NLRP14: variants seen among roughly 807,000 people sequenced by gnomAD.
The protein encoded by NLRP14 is NACHT, LRR and PYD domains-containing protein 14.
NLRP14 carries 105 observed loss-of-function variants against 94.7 expected under a neutral mutation model. That is an observed-to-expected ratio of 1.11 (90% confidence interval 0.95 to 1.30). The LOEUF (loss-of-function observed/expected upper bound fraction) is 1.30, where lower values mean the gene tolerates loss of function less well. NLRP14 is among the 50% of genes most tolerant of loss of function. NLRP14 has a pLI of 0.00. For missense variants in NLRP14, 1,362 were observed against 1,254.1 expected (o/e 1.09, Z -1.30); for synonymous variants, 508 against 459.9 (o/e 1.10, Z -1.34).
At chr11:7,021,864 A>G (rs747192265) in intron 1 of NLRP14, among the ~76,000 whole-genome samples, 34 of 151,730 alleles carry the variant, frequency 2.2e-4, no homozygotes, top group Non-Finnish European at 3.8e-4. Flanking sequence ...ATTGACCGGT[A>G]AGAACGAACA....
chr11:7,049,897 A>C, intron 6 of NLRP14, 59 bp downstream of exon 6: 1 of 1,399,700 alleles, frequency 7.1e-7, no homozygotes, highest in Non-Finnish European at 1.0e-6. Context: ...TTGTCTATCC[A>C]AGTAGACTCT....
intron 4 of NLRP14, 47 bp from the exon 5 acceptor site, chr11:7,046,621 G>A (rs755340212): frequency 6.4e-7 from 1 of 1,566,270 alleles, no homozygotes. Context: ...TGGCTAGGCT[G>A]AAATAAAATC....
the NLRP14 span, among the ~76,000 whole-genome samples, chr11:7,077,646 C>T: frequency 6.6e-6 from 1 of 152,230 alleles, no homozygotes; most frequent in Non-Finnish European, 1.5e-5. Flanking sequence ...CTGGGGAAGC[C>T]TCACAATCAT....
rs1444194672 is a variant in NLRP14, at chr11:7,043,665, A to G, written c.1639A>G (p.Thr547Ala). The change falls in exon 4 of 12, where the codon ACT (threonine) becomes GCT (alanine). Residue 547 changes from threonine (T) to alanine (A), a missense_variant. Physicochemically the swap from Thr to Ala is moderately conservative, Grantham distance 58. Coordinates refer to ENST00000299481, the MANE Select transcript of NLRP14 (RefSeq NM_176822.4). ...AGATCGAGTAAAACAACTGGAGAGGACTTTTAACTGTAAAATGTCACTGAA... is the reference window on the plus strand; with the variant it reads ...AGATCGAGTAAAACAACTGGAGAGGGCTTTTAACTGTAAAATGTCACTGAA... ...NEDRVKQLER[T>A]FNCKMSLKIK... 1 of 1,614,032 alleles carries G rather than the reference A, an allele frequency of 6.2e-7. No individual in the cohort carries two copies. Among genetic ancestry groups the G allele is most frequent in the African/African-American group, 1.3e-5 (1 of 75,052 alleles).
the NLRP14 span, chr11:7,089,359 A>G: frequency 6.2e-7 from 1 of 1,606,262 alleles, no homozygotes; most frequent in Admixed American, 1.7e-5. Flanking sequence ...AAGGCCATCA[A>G]GGTGGCCCAG....
intron 6 of NLRP14, among the ~76,000 whole-genome samples, chr11:7,056,056 G>A (rs1231777322): frequency 6.6e-6 from 1 of 151,954 alleles, no homozygotes; most frequent in Non-Finnish European, 1.5e-5. Context: ...GGTGATTGAT[G>A]TTATATATTA....
intron 6 of NLRP14, among the ~76,000 whole-genome samples, chr11:7,054,906 A>G (rs1852497176): frequency 6.6e-6 from 1 of 152,094 alleles, no homozygotes; most frequent in Non-Finnish European, 1.5e-5. Context: ...CATTTCCCCT[A>G]TGTTTTACTT....
chr11:7,070,527 C>A, intron 11 of NLRP14, 71 bp downstream of exon 11: 2 of 1,074,904 alleles, frequency 1.9e-6, no homozygotes, highest in Non-Finnish European at 2.9e-6. Flanking sequence ...CTCATTAATA[C>A]AGGCCTCAGA....
At chr11:7,077,389 C>T in the NLRP14 span, among the ~76,000 whole-genome samples, 4 of 152,382 alleles carry the variant, frequency 2.6e-5, no homozygotes, top group African/African-American at 7.2e-5. Context: ...TTTCGCCAAT[C>T]TGGGCCGAGG....
chr11:7,065,467 T>C (rs1416267407), intron 10 of NLRP14, among the ~76,000 whole-genome samples: 1 of 152,158 alleles, frequency 6.6e-6, no homozygotes. Flanking sequence ...ATTTTTTAGG[T>C]ATACAATCAC....
chr11:7,078,556 G>A, the NLRP14 span, among the ~76,000 whole-genome samples: 3 of 151,156 alleles, frequency 2.0e-5, no homozygotes, highest in Non-Finnish European at 4.4e-5. Flanking sequence ...TTGGGAGGCC[G>A]AGGCGAGTGG....
chr11:7,081,707 A>G, the NLRP14 span, among the ~76,000 whole-genome samples: 10 of 152,228 alleles, frequency 6.6e-5, no homozygotes, highest in South Asian at 4.1e-4. Context: ...GGAAAAGTGT[A>G]CAGTTTCCAT....
chr11:7,069,783 C>T (rs1435787241), intron 10 of NLRP14, among the ~76,000 whole-genome samples: 6 of 152,008 alleles, frequency 3.9e-5, no homozygotes, highest in Admixed American at 2.6e-4. Context: ...CTTACCACTA[C>T]CCCCAGCTAA....
At position 7,071,176 on chromosome 11, in the gene NLRP14, G is replaced by T; in HGVS notation, c.3150G>T (p.Leu1050Phe). ...AGATGTTCCCTTGTTTTCTCAGGTTGTGCAAAGAGGCATTTGATGAGGAAG... is the reference window on the plus strand; with the variant it reads ...AGATGTTCCCTTGTTTTCTCAGGTTTTGCAAAGAGGCATTTGATGAGGAAG... ...SPKCKLQVLGLCKEAFDEEAQ... is the reference protein window; with the variant it reads ...SPKCKLQVLGFCKEAFDEEAQ... Residue 1050 changes from leucine to phenylalanine, a missense_variant, in exon 12 of 12, where the codon TTG (leucine) becomes TTT (phenylalanine). Coordinates refer to ENST00000299481, the MANE Select transcript of NLRP14 (RefSeq NM_176822.4). 2 of 1,613,930 alleles carry T rather than the reference G, an allele frequency of 1.2e-6. No homozygotes were observed. Among genetic ancestry groups the T allele is most frequent in the East Asian group, 2.2e-5 (1 of 44,828 alleles).
At chr11:7,077,417 A>G in the NLRP14 span, among the ~76,000 whole-genome samples, 3 of 152,276 alleles carry the variant, frequency 2.0e-5, no homozygotes, top group Non-Finnish European at 1.5e-5. Flanking sequence ...CTCTGAAGCC[A>G]CTCTCCTAAA....
At chr11:7,044,097 G>A in intron 4 of NLRP14, 113 bp downstream of exon 4, 1 of 1,036,078 alleles carries the variant, frequency 9.7e-7, no homozygotes, top group South Asian at 1.3e-5. Flanking sequence ...ACCCTCTGGA[G>A]TTGTCCCATC....
At chr11:7,068,071 A>C (rs1272934707) in intron 10 of NLRP14, among the ~76,000 whole-genome samples, 1 of 151,920 alleles carries the variant, frequency 6.6e-6, no homozygotes, top group Non-Finnish European at 1.5e-5. Flanking sequence ...ATTGGCAAGC[A>C]TCTAGTATTT....
At chr11:7,049,961 G>T in intron 6 of NLRP14, 123 bp downstream of exon 6, 1 of 819,770 alleles carries the variant, frequency 1.2e-6, no homozygotes, top group Non-Finnish European at 2.1e-6. Context: ...TTCATGATAT[G>T]GGGTAGCAAG....
chr11:7,031,253 A>T (rs898015669), intron 1 of NLRP14, among the ~76,000 whole-genome samples: 1 of 152,074 alleles, frequency 6.6e-6, no homozygotes, highest in African/African-American at 2.4e-5. Context: ...TCTTCTCTGG[A>T]TGCGTACTTT....
Sources: allele counts gnomAD v4.1 joint callset (sites outside exome capture counted in the v4.1 genomes callset), GRCh38; gene constraint gnomAD v4.1.1; transcripts MANE v1.5; gene names NCBI Gene and HGNC (gene_info 2026-07-23, HGNC 2026-07-21).